The following ZNHIT6 variants were observed in gnomAD, a reference collection of about 807,000 sequenced individuals.
ZNHIT6 encodes the protein box C/D snoRNA protein 1.
Under a neutral mutation model 57.2 loss-of-function variants are expected in ZNHIT6, and 45 were observed. That is an observed-to-expected ratio of 0.79 (90% CI 0.62 to 1.01). ZNHIT6 has a LOEUF of 1.01. Among genes scored for constraint, ZNHIT6 ranks in the 50% least tolerant of loss-of-function variants. The pLI, the probability that ZNHIT6 is intolerant of heterozygous loss-of-function variation, is 0.00. For missense variants in ZNHIT6, 528 were observed against 567.3 expected, an observed-to-expected ratio of 0.93 and a Z score of 0.70; for synonymous variants, 188 against 190.0, an observed-to-expected ratio of 0.99 and a Z score of 0.09.
At chr1:85,670,420 A>G (rs1252767085) in intron 8 of ZNHIT6, among the ~76,000 whole-genome samples, 1 of 152,198 alleles carries the variant, frequency 6.6e-6, no homozygotes, top group East Asian at 1.9e-4. Flanking sequence ...CCTAGCATAC[A>G]GCAGGCATAT....
intron 5 of ZNHIT6, among the ~76,000 whole-genome samples, chr1:85,699,734 T>G (rs1662475199): frequency 6.6e-6 from 1 of 152,112 alleles, no homozygotes; most frequent in South Asian, 2.1e-4. Context: ...CAAAAAAAAG[T>G]CAGGTAAGCA....
rs200378956 is a variant in ZNHIT6 at position 85,702,236 on chromosome 1, G to C, written c.940C>G (p.Arg314Gly). The change falls in exon 5 of 10, where the codon CGG becomes GGG. Residue 314 changes from arginine (R) to glycine (G), a missense_variant. By Grantham distance (125) the Arg-to-Gly change is moderately radical (BLOSUM62 -2). Coordinates refer to ENST00000370574, the MANE Select transcript of ZNHIT6 (RefSeq NM_017953.4). ...AGTTTTAAGTTAATACCTTGCCTCC[G>C]GGCACGATTTTTCATAAAGTACATC... ...KYMYFMKNRARRQGINLKLLP... is the reference protein window; with the variant it reads ...KYMYFMKNRAGRQGINLKLLP... The C allele has an allele frequency of 6.2e-7, 1 of 1,601,306 alleles. No individual in the cohort carries two copies. The highest frequency in any genetic ancestry group is 2.3e-5 in the East Asian group (1 of 44,188).
At chr1:85,685,173 T>C (rs970331888) in intron 5 of ZNHIT6, among the ~76,000 whole-genome samples, 4 of 152,166 alleles carry the variant, frequency 2.6e-5, no homozygotes, top group African/African-American at 9.7e-5. Flanking sequence ...TTTGCCTCAA[T>C]AGTTTTATTC....
At position 85,708,311 on chromosome 1, in the gene ZNHIT6, C is replaced by T. The variant is rs756454410; in HGVS notation, c.-27G>A. On this transcript the variant is annotated 5_prime_UTR_variant, in exon 1 of 10. Transcript: ENST00000370574. Reference sequence around the variant, plus strand: ...AACTCACGATCCTTGGCCTCTGCTGCCACTCTATCCTTCAATGTGGCTGCT... The same window carrying T: ...AACTCACGATCCTTGGCCTCTGCTGTCACTCTATCCTTCAATGTGGCTGCT... The T allele has an allele frequency of 2.4e-5, 37 of 1,566,864 alleles. No homozygotes were observed. Among genetic ancestry groups the T allele is most frequent in the African/African-American group, 4.0e-5 (3 of 74,206 alleles).
chr1:85,702,267 A>G lies in ZNHIT6; in HGVS notation c.916-7T>C. On this transcript the variant is annotated splice_polypyrimidine_tract_variant and splice_region_variant and intron_variant, in intron 4 of 9. Coordinates refer to ENST00000370574, the MANE Select transcript of ZNHIT6 (RefSeq NM_017953.4). ...GATTTTTCATAAAGTACATCTAACA[A>G]CAAAAACCAAACAGACAAATTAATT... 6.5e-7 allele frequency: 1 copy of G among 1,528,504 alleles called. No homozygotes were observed. Among genetic ancestry groups the G allele is most frequent in the African/African-American group, 1.4e-5 (1 of 71,976 alleles). 94.7% of individuals were successfully genotyped at this position (1,528,504 alleles called of 1,614,324 possible). A position where few individuals can be genotyped will look rare whatever the true frequency, so the allele number is the denominator to read the frequency against.
chr1:85,676,734 A>G (rs1170753250), intron 8 of ZNHIT6, among the ~76,000 whole-genome samples: 2 of 151,988 alleles, frequency 1.3e-5, no homozygotes, highest in African/African-American at 4.9e-5. Flanking sequence ...GTGCACCCAA[A>G]GCAATTACAG....
At chr1:85,687,027 T>C (rs753040746) in intron 5 of ZNHIT6, among the ~76,000 whole-genome samples, 1 of 151,594 alleles carries the variant, frequency 6.6e-6, no homozygotes, top group Non-Finnish European at 1.5e-5. Flanking sequence ...CCCAGCACTT[T>C]GGGAGGCCGA....
intron 5 of ZNHIT6, among the ~76,000 whole-genome samples, chr1:85,698,857 GA>G (rs756567180): frequency 1.6e-4 from 24 of 152,220 alleles, no homozygotes; most frequent in Non-Finnish European, 2.4e-4. Context: ...TATGAGGGGT[GA>G]ATGGAATATA....
At chr1:85,690,917 T>A (rs1365460908) in intron 5 of ZNHIT6, among the ~76,000 whole-genome samples, 3 of 152,074 alleles carry the variant, frequency 2.0e-5, no homozygotes, top group African/African-American at 7.2e-5. Flanking sequence ...TCCTAGCTAC[T>A]CAGGAGGCTG....
chr1:85,700,518 A>AGT (rs570174286), intron 5 of ZNHIT6, among the ~76,000 whole-genome samples: 146 of 152,330 alleles, frequency 9.6e-4, no homozygotes, highest in African/African-American at 3.3e-3. Context: ...AAATATACTG[A>AGT]GTGTAATATT....
chr1:85,664,767 C>T (rs1557838720), intron 8 of ZNHIT6, among the ~76,000 whole-genome samples: 1 of 151,872 alleles, frequency 6.6e-6, no homozygotes, highest in African/African-American at 2.4e-5. Context: ...ACCCCTGAAC[C>T]TAAAAGTTAA....
intron 8 of ZNHIT6, among the ~76,000 whole-genome samples, chr1:85,660,861 A>G (rs557510060): frequency 3.9e-5 from 6 of 152,312 alleles, no homozygotes; most frequent in South Asian, 2.1e-4. Context: ...ATTTTATGCA[A>G]TGAAAATCTG....
At chr1:85,707,076 T>C (rs17128112) in intron 1 of ZNHIT6, among the ~76,000 whole-genome samples, 3,269 of 152,306 alleles carry the variant, frequency 0.021, 127 homozygotes, top group African/African-American at 0.074. Context: ...CAGTTACTTC[T>C]ATTTAGCCCA....
rs142339173 is a variant in ZNHIT6, at chr1:85,693,440, G to T, written c.1019+8717C>A. On this transcript the variant is annotated intron_variant, in intron 5 of 9. Coordinates refer to ENST00000370574, the MANE Select transcript of ZNHIT6 (RefSeq NM_017953.4). ...TAAACTAAAAAACAAACAGTGCATA[G>T]ACTAAAAATATGATTAATTAGACAA... is the stretch of plus-strand genomic sequence containing the variant. Among the ~76,000 whole-genome samples, 115 of 152,262 alleles carry T rather than the reference G, an allele frequency of 7.6e-4. 2 individuals carry two copies. The East Asian group carries it at 0.021, about 28-fold the overall frequency.
At chr1:85,654,390 A>G (rs1661001841) in intron 9 of ZNHIT6, among the ~76,000 whole-genome samples, 1 of 152,222 alleles carries the variant, frequency 6.6e-6, no homozygotes, top group Non-Finnish European at 1.5e-5. Context: ...ATGCCACTGA[A>G]TAGATCACTA....
rs758004896 is a variant in ZNHIT6 at position 85,702,190 on chromosome 1, T to C, written c.986A>G (p.Lys329Arg). 3.1e-6 allele frequency: 5 copies of C among 1,610,722 alleles called. No homozygotes were observed. The highest frequency in any genetic ancestry group is 4.2e-6 in the Non-Finnish European group (5 of 1,179,114). The change falls in exon 5 of 10, where the codon AAG becomes AGG. Residue 329 changes from lysine (K) to arginine (R), a missense_variant. Physicochemically the swap from Lys to Arg is conservative, Grantham distance 26. Transcript: ENST00000370574. ...AAAAAAGGTTGAATTCTCCTTCCTC[T>C]TGGTGAATCCATTGGGTAGAAGTTT... Reference protein sequence around the residue: ...NLKLLPNGFTKRKENSTFFDK... With the variant: ...NLKLLPNGFTRRKENSTFFDK...
chr1:85,662,345 C>T (rs901292430), intron 8 of ZNHIT6, among the ~76,000 whole-genome samples: 5 of 152,014 alleles, frequency 3.3e-5, no homozygotes, highest in African/African-American at 1.2e-4. Context: ...CCCTAGGCCA[C>T]AGTATTTTTC....
intron 5 of ZNHIT6, among the ~76,000 whole-genome samples, chr1:85,693,746 G>A (rs1336762334): frequency 6.6e-6 from 1 of 152,168 alleles, no homozygotes. Context: ...CAAAAGAAGT[G>A]AGAAGTCAAC....
At chr1:85,705,759 C>G (rs990555665) in intron 4 of ZNHIT6, among the ~76,000 whole-genome samples, 4 of 152,064 alleles carry the variant, frequency 2.6e-5, no homozygotes, top group African/African-American at 7.2e-5. Context: ...ACCACTGTAT[C>G]GAAAATAGTA....
Sources: allele counts gnomAD v4.1 joint callset (sites outside exome capture counted in the v4.1 genomes callset), GRCh38; gene constraint gnomAD v4.1.1; transcripts MANE v1.5; gene names NCBI Gene and HGNC (gene_info 2026-07-23, HGNC 2026-07-21).